Variants in PTPN21 observed in about 807,000 individuals in gnomAD.
PTPN21 encodes the protein protein tyrosine phosphatase non-receptor type 21.
In PTPN21, 77 loss-of-function variants were observed where a neutral mutation model predicts 131.8. The ratio of observed to expected loss-of-function variants is 0.58; its 90% CI spans 0.49 to 0.71. The LOEUF is 0.71. Ranked by LOEUF, PTPN21 falls within the 30% of genes least tolerant of loss-of-function variation. The pLI, the probability that PTPN21 is intolerant of heterozygous loss-of-function variation, is 0.00. For synonymous variants in PTPN21, 715 were observed against 621.3 expected (o/e 1.15, Z -2.24); for missense variants, 1,552 against 1,527.1 (o/e 1.02, Z -0.27).
In PTPN21 at chr14:88,473,660, CA is replaced by C. The variant is rs1566807793; in HGVS notation, c.2649+4del. Reference sequence around the variant, plus strand: ...GGCACAAAGCCCTGTGTGTCCCATACATACCCTTTCATCATTCGTTGCTCTG... The same window carrying C: ...GGCACAAAGCCCTGTGTGTCCCATACTACCCTTTCATCATTCGTTGCTCTG... On this transcript the variant is annotated splice_donor_region_variant and intron_variant, in intron 14 of 18. Coordinates refer to ENST00000556564, the MANE Select transcript of PTPN21 (RefSeq NM_007039.4). The C allele has an allele frequency of 6.2e-7, 1 of 1,612,096 alleles. No homozygotes were observed. Among genetic ancestry groups the C allele is most frequent in the Non-Finnish European group, 8.5e-7 (1 of 1,179,620 alleles).
intron 4 of PTPN21, among the ~76,000 whole-genome samples, chr14:88,505,973 T>A (rs921296263): frequency 2.6e-5 from 4 of 152,222 alleles, no homozygotes. Flanking sequence ...GAAGGAGTTT[T>A]ATTAATAATT....
chr14:88,496,108 G>A (rs1339040301), intron 10 of PTPN21, among the ~76,000 whole-genome samples: 3 of 152,172 alleles, frequency 2.0e-5, no homozygotes, highest in Non-Finnish European at 4.4e-5. Context: ...TCAGATAGCT[G>A]GAAAAGCTGA....
intron 2 of PTPN21, among the ~76,000 whole-genome samples, chr14:88,549,199 G>A (rs1205265270): frequency 6.6e-6 from 1 of 152,194 alleles, no homozygotes; most frequent in African/African-American, 2.4e-5. Flanking sequence ...AGGATCGCTT[G>A]AGCCTAGGAA....
chr14:88,482,936 T>C (rs73314182), intron 12 of PTPN21, among the ~76,000 whole-genome samples: 5,598 of 151,562 alleles, frequency 0.037, 349 homozygotes, highest in African/African-American at 0.13. Context: ...GAGAAAGGGC[T>C]GGGCACAGTG....
intron 2 of PTPN21, among the ~76,000 whole-genome samples, chr14:88,540,502 C>T (rs1054958363): frequency 1.3e-5 from 2 of 152,170 alleles, no homozygotes; most frequent in Admixed American, 1.3e-4. Context: ...CATTGAGCAC[C>T]AAAACTTTAC....
chr14:88,512,897 T>C (rs2078207360), intron 3 of PTPN21, among the ~76,000 whole-genome samples: 1 of 152,192 alleles, frequency 6.6e-6, no homozygotes, highest in Admixed American at 6.5e-5. Flanking sequence ...TATTTGGTTG[T>C]CCCACTTACA....
At position 88,554,707 on chromosome 14, in the gene PTPN21, C is replaced by T. The variant is rs888202216; in HGVS notation, c.-259G>A. 1.4e-5 allele frequency: 2 copies of T among 147,860 alleles called. No individual in the cohort carries two copies. The highest frequency in any genetic ancestry group is 2.4e-5 in the African/African-American group (1 of 40,914). 9.2% of individuals were successfully genotyped at this position (147,860 alleles called of 1,614,324 possible). ...GCCGCGCGCCCCGCTCAGCGACCCG[C>T]CTCCCGGGGCCCCGCCGCGCGGCCG... On this transcript the variant is annotated 5_prime_UTR_variant, in exon 1 of 19. Coordinates refer to ENST00000556564, the MANE Select transcript of PTPN21 (RefSeq NM_007039.4).
In PTPN21 at chr14:88,550,431, C is replaced by T. The variant is rs369744366; in HGVS notation, c.-14G>A. 1.4e-5 allele frequency: 22 copies of T among 1,611,098 alleles called. No individual in the cohort carries two copies. In the Admixed American group the frequency reaches 1.5e-4, roughly 11 times the overall value. On this transcript the variant is annotated 5_prime_UTR_variant, in exon 2 of 19. Transcript: ENST00000556564. ...TGGCAGTGGCATCTTCTTCTTTCTT[C>T]AAGAATGGAGGAGCAAAGAGGGAAA...
At chr14:88,525,809 T>C (rs997319477) in intron 2 of PTPN21, among the ~76,000 whole-genome samples, 1 of 152,174 alleles carries the variant, frequency 6.6e-6, no homozygotes, top group Non-Finnish European at 1.5e-5. Context: ...CAAATGTCCA[T>C]CAATAGATGA....
Position 88,541,900 on chromosome 14 carries a change from A to G in PTPN21, c.180+8338T>C, listed in dbSNP as rs555181889. 2.6e-5 allele frequency among the ~76,000 whole-genome samples: 4 copies of G among 152,320 alleles called. No homozygotes were observed. In the East Asian group the frequency reaches 7.7e-4, roughly 29 times the overall value. ...AGATCCTGCTCTGTGACAAGGGGAG[A>G]AAAAGGGAAAGACTGCCTTAACCAG... On this transcript the variant is annotated intron_variant, in intron 2 of 18. Transcript: ENST00000556564.
chr14:88,486,751 T>C (rs779120917), intron 10 of PTPN21, among the ~76,000 whole-genome samples: 1 of 151,804 alleles, frequency 6.6e-6, no homozygotes, highest in Non-Finnish European at 1.5e-5. Context: ...CCAAGGCGGG[T>C]GGATCACCTG....
intron 3 of PTPN21, among the ~76,000 whole-genome samples, chr14:88,511,825 T>C (rs1346934057): frequency 1.3e-5 from 2 of 152,168 alleles, no homozygotes; most frequent in Non-Finnish European, 2.9e-5. Flanking sequence ...AAATATTTTA[T>C]CTAAATCTTT....
intron 15 of PTPN21, among the ~76,000 whole-genome samples, chr14:88,472,035 G>A (rs59015253): frequency 0.037 from 5,622 of 152,198 alleles, 347 homozygotes; most frequent in African/African-American, 0.13. Context: ...TCTGATAGAC[G>A]CTTTTTATCT....
chr14:88,481,676 C>T (rs1287579249), intron 12 of PTPN21, among the ~76,000 whole-genome samples: 3 of 152,136 alleles, frequency 2.0e-5, no homozygotes, highest in Admixed American at 1.3e-4. Context: ...TGCTCATTTC[C>T]AGCCTGAGTT....
intron 18 of PTPN21, 52 bp from the exon 19 acceptor site, chr14:88,468,317 A>C: frequency 6.7e-7 from 1 of 1,501,178 alleles, no homozygotes; most frequent in Non-Finnish European, 9.0e-7. Flanking sequence ...GGGGAGACAG[A>C]AAGGATGGGA....
intron 2 of PTPN21, among the ~76,000 whole-genome samples, chr14:88,538,515 T>C (rs958605129): frequency 5.9e-5 from 9 of 152,224 alleles, no homozygotes; most frequent in African/African-American, 1.2e-4. Flanking sequence ...ATGTTCCTTC[T>C]CATGCTTACC....
Position 88,479,171 on chromosome 14 carries a change from G to A in PTPN21, c.2260C>T (p.Pro754Ser). The A allele has an allele frequency of 6.4e-7, 1 of 1,553,178 alleles. No homozygotes were observed. Reference protein sequence around the residue: ...PGCPRVLLAGPLHILEPKAHV... With the variant: ...PGCPRVLLAGSLHILEPKAHV... ...GCCTTGGGCTCCAGGATGTGCAGGGGCCCGGCGAGCAGGACGCGAGGGCAG... is the reference window on the plus strand; with the variant it reads ...GCCTTGGGCTCCAGGATGTGCAGGGACCCGGCGAGCAGGACGCGAGGGCAG... Residue 754 changes from proline to serine, a missense_variant, in exon 13 of 19, where the codon CCC (proline) becomes TCC (serine). Transcript: ENST00000556564.
intron 3 of PTPN21, 144 bp downstream of exon 3, chr14:88,516,948 A>T: frequency 1.1e-6 from 1 of 872,526 alleles, no homozygotes; most frequent in Non-Finnish European, 1.7e-6. Flanking sequence ...CATGCCACAT[A>T]TGAGAATCTC....
chr14:88,495,736 A>G (rs1408531470), intron 10 of PTPN21, among the ~76,000 whole-genome samples: 1 of 152,342 alleles, frequency 6.6e-6, no homozygotes, highest in East Asian at 1.9e-4. Flanking sequence ...GCCGAAGAAG[A>G]GCAGGATTCC....
Sources: gnomAD v4.1 joint callset for allele counts (sites outside exome capture counted in the v4.1 genomes callset) on GRCh38, gnomAD v4.1.1 for gene constraint, MANE v1.5 for transcripts, NCBI Gene and HGNC (gene_info 2026-07-23, HGNC 2026-07-21) for gene names.